Variants in DRC2 observed in about 807,000 individuals in gnomAD.
DRC2 encodes coiled-coil domain containing 65.
the DRC2 span, among the ~76,000 whole-genome samples, chr12:48,914,979 G>A: frequency 1.3e-5 from 2 of 151,748 alleles, no homozygotes; most frequent in Non-Finnish European, 2.9e-5. Flanking sequence ...CTGCCTCAGT[G>A]TCCCCAGTAG....
chr12:48,906,864 C>G, the DRC2 span, among the ~76,000 whole-genome samples: 1 of 151,814 alleles, frequency 6.6e-6, no homozygotes, highest in Non-Finnish European at 1.5e-5. Context: ...CCGCGCCCAG[C>G]CCATACCTTA....
the DRC2 span, chr12:48,904,157 T>C: frequency 2.7e-6 from 2 of 738,880 alleles, no homozygotes. Context: ...GTGGGAGAGC[T>C]CAGCCTCACT....
At chr12:48,921,354 C>G in the DRC2 span, 10 of 1,614,176 alleles carry the variant, frequency 6.2e-6, no homozygotes, top group Non-Finnish European at 8.5e-6. Flanking sequence ...GCTCAACCCA[C>G]TCTTTATAGT....
the DRC2 span, chr12:48,904,524 C>T: frequency 2.6e-6 from 4 of 1,567,944 alleles, no homozygotes; most frequent in South Asian, 1.2e-5. Flanking sequence ...TGCCCTGGCC[C>T]TGTCACTGAG....
chr12:48,914,638 A>G, the DRC2 span: 1 of 1,508,384 alleles, frequency 6.6e-7, no homozygotes, highest in South Asian at 1.2e-5. Flanking sequence ...CGTGTCAAGG[A>G]GTTGCCTGTA....
chr12:48,907,214 C>CA, the DRC2 span, among the ~76,000 whole-genome samples: 4 of 151,220 alleles, frequency 2.6e-5, no homozygotes, highest in Non-Finnish European at 5.9e-5. Context: ...GACTCCGTCT[C>CA]AAAAAAAACA....
chr12:48,912,472 T>C, the DRC2 span, among the ~76,000 whole-genome samples: 1 of 87,662 alleles, frequency 1.1e-5, no homozygotes, highest in Non-Finnish European at 2.5e-5. Context: ...TCATGTGCAC[T>C]TGGCTTCTCA....
the DRC2 span, among the ~76,000 whole-genome samples, chr12:48,914,095 TTTTG>T: frequency 3.1e-4 from 47 of 152,044 alleles, no homozygotes; most frequent in Admixed American, 1.9e-3. Context: ...TTATGGGTTT[TTTTG>T]TTTGTTTGTT....
chr12:48,911,610 GA>G, the DRC2 span, among the ~76,000 whole-genome samples: 49,188 of 149,212 alleles, frequency 0.33, 9,030 homozygotes, highest in Admixed American at 0.48. Context: ...GATCCGGTAA[GA>G]AAAAAAAAAG....
At chr12:48,918,941 G>A in the DRC2 span, 1 of 1,526,582 alleles carries the variant, frequency 6.6e-7, no homozygotes, top group Non-Finnish European at 9.1e-7. Context: ...TAAAGTCAAG[G>A]AACCTGCCTC....
At chr12:48,920,486 G>GT in the DRC2 span, among the ~76,000 whole-genome samples, 269 of 111,218 alleles carry the variant, frequency 2.4e-3, 1 homozygote, top group Non-Finnish European at 4.0e-3. Flanking sequence ...GAATGAGTTT[G>GT]TTTTTTTTTT....
the DRC2 span, among the ~76,000 whole-genome samples, chr12:48,914,952 G>C: frequency 6.6e-6 from 1 of 151,740 alleles, no homozygotes; most frequent in Non-Finnish European, 1.5e-5. Context: ...TCTGCCTCCC[G>C]GGTTCAAGCA....
the DRC2 span, among the ~76,000 whole-genome samples, chr12:48,913,784 C>T: frequency 1.3e-5 from 2 of 152,044 alleles, no homozygotes; most frequent in African/African-American, 2.4e-5. Flanking sequence ...CTTGTGCCAC[C>T]GCACCCGGCA....
chr12:48,904,590 T>C, the DRC2 span: 4 of 1,357,332 alleles, frequency 2.9e-6, no homozygotes, highest in Admixed American at 9.5e-5. Flanking sequence ...GACCCAGATA[T>C]ACTTAGATTT....
At chr12:48,919,524 T>A in the DRC2 span, among the ~76,000 whole-genome samples, 2 of 151,388 alleles carry the variant, frequency 1.3e-5, no homozygotes, top group South Asian at 4.2e-4. Flanking sequence ...TTAATTATTT[T>A]TTTTTTTGAG....
the DRC2 span, among the ~76,000 whole-genome samples, chr12:48,911,857 A>G: frequency 1.3e-5 from 2 of 151,962 alleles, no homozygotes; most frequent in Non-Finnish European, 2.9e-5. Context: ...AATTACTCAG[A>G]GCTATATAGG....
At chr12:48,910,780 C>T in the DRC2 span, among the ~76,000 whole-genome samples, 1 of 152,188 alleles carries the variant, frequency 6.6e-6, no homozygotes, top group African/African-American at 2.4e-5. Flanking sequence ...CACAGTGGCT[C>T]ATGCCTGAAA....
the DRC2 span, among the ~76,000 whole-genome samples, chr12:48,920,441 TA>T: frequency 5.0e-3 from 340 of 67,792 alleles, 17 homozygotes; most frequent in African/African-American, 0.016. Context: ...AACTCCATCT[TA>T]AAAAAAAAAA....
At chr12:48,918,533 T>G in the DRC2 span, 1 of 1,534,918 alleles carries the variant, frequency 6.5e-7, no homozygotes, top group Non-Finnish European at 8.9e-7. Context: ...CCTCTTTTGC[T>G]TCCCCTTGTT....
Sources: gnomAD v4.1 joint callset for allele counts (sites outside exome capture counted in the v4.1 genomes callset) on GRCh38, gnomAD v4.1.1 for gene constraint, MANE v1.5 for transcripts, NCBI Gene and HGNC (gene_info 2026-07-23, HGNC 2026-07-21) for gene names.